The following PTPRM variants were observed in gnomAD, a reference collection of about 807,000 sequenced individuals.
The protein encoded by PTPRM is receptor-type tyrosine-protein phosphatase mu.
In PTPRM, 47 loss-of-function variants were observed where a neutral mutation model predicts 186.7. That is an observed-to-expected ratio of 0.25 (90% CI 0.20 to 0.32). The LOEUF is 0.32. PTPRM is among the 10% of genes least tolerant of loss of function. The probability of loss-of-function intolerance (pLI) is 1.00; values close to 1 mark genes in which losing one functional copy is unlikely to be tolerated. For synonymous variants in PTPRM, 668 were observed against 674.9 expected (o/e 0.99, Z 0.16); for missense variants, 1,494 against 1,865.0 (o/e 0.80, Z 3.66).
At chr18:7,872,896 G>A (rs991085371) in intron 2 of PTPRM, among the ~76,000 whole-genome samples, 1 of 152,142 alleles carries the variant, frequency 6.6e-6, no homozygotes, top group Non-Finnish European at 1.5e-5. Flanking sequence ...AGCCACATGA[G>A]TGTTATTATA....
chr18:8,263,617 G>A (rs887652177), intron 19 of PTPRM, among the ~76,000 whole-genome samples: 3 of 152,074 alleles, frequency 2.0e-5, no homozygotes, highest in African/African-American at 7.2e-5. Flanking sequence ...CCTCAGGATG[G>A]GGTGGGTCTC....
chr18:8,309,793 C>CA (rs2095254404), intron 20 of PTPRM, among the ~76,000 whole-genome samples: 1 of 152,194 alleles, frequency 6.6e-6, no homozygotes, highest in South Asian at 2.1e-4. Flanking sequence ...CTCGGCCTCC[C>CA]AAGTAGCTTG....
intron 1 of PTPRM, among the ~76,000 whole-genome samples, chr18:7,600,797 A>T (rs1160545240): frequency 6.6e-6 from 1 of 152,268 alleles, no homozygotes; most frequent in Non-Finnish European, 1.5e-5. Context: ...GCTGTGGCCC[A>T]AGAGGTGCCT....
chr18:7,890,675 C>G (rs2049026906), intron 3 of PTPRM, among the ~76,000 whole-genome samples: 1 of 151,914 alleles, frequency 6.6e-6, no homozygotes, highest in South Asian at 2.1e-4. Flanking sequence ...GGAATTTATC[C>G]TAAAGAAGTA....
intron 7 of PTPRM, 69 bp downstream of exon 7, chr18:7,955,483 G>T (rs2053247730): frequency 1.3e-6 from 2 of 1,529,644 alleles, no homozygotes; most frequent in East Asian, 4.5e-5. Flanking sequence ...CACTGGGGTT[G>T]ATCAGATGCC....
chr18:8,218,023 C>G (rs905153906), intron 14 of PTPRM, among the ~76,000 whole-genome samples: 1 of 152,118 alleles, frequency 6.6e-6, no homozygotes, highest in African/African-American at 2.4e-5. Context: ...CCAGCCCGTT[C>G]CCACATAGAG....
At chr18:7,892,742 C>G (rs1045996790) in intron 3 of PTPRM, among the ~76,000 whole-genome samples, 5 of 152,140 alleles carry the variant, frequency 3.3e-5, no homozygotes, top group Non-Finnish European at 2.9e-5. Context: ...TTTGAGAAGT[C>G]CAAGATCAGG....
chr18:8,206,901 G>A (rs1309490204), intron 14 of PTPRM, among the ~76,000 whole-genome samples: 5 of 152,072 alleles, frequency 3.3e-5, no homozygotes, highest in Non-Finnish European at 7.4e-5. Context: ...GAGACACGGG[G>A]AGAAGGCTGC....
At chr18:8,341,567 C>T (rs1362734205) in intron 22 of PTPRM, among the ~76,000 whole-genome samples, 1 of 152,148 alleles carries the variant, frequency 6.6e-6, no homozygotes, top group Admixed American at 6.5e-5. Context: ...GCTCTTCCTG[C>T]AGGCACAAGC....
At chr18:7,874,881 A>G (rs1599211742) in intron 2 of PTPRM, among the ~76,000 whole-genome samples, 1 of 152,322 alleles carries the variant, frequency 6.6e-6, no homozygotes, top group Admixed American at 6.5e-5. Context: ...ACAGAAAACC[A>G]AAAGCTTCCT....
chr18:7,573,122 T>C (rs1380685867), intron 1 of PTPRM, among the ~76,000 whole-genome samples: 1 of 152,086 alleles, frequency 6.6e-6, no homozygotes, highest in African/African-American at 2.4e-5. Flanking sequence ...TCTGGGAGTA[T>C]GTGAGAGAAA....
At chr18:8,106,480 T>C (rs1600602529) in intron 11 of PTPRM, among the ~76,000 whole-genome samples, 1 of 152,314 alleles carries the variant, frequency 6.6e-6, no homozygotes, top group East Asian at 1.9e-4. Flanking sequence ...AACGTAGAGA[T>C]TGACACATCC....
intron 23 of PTPRM, among the ~76,000 whole-genome samples, chr18:8,344,827 A>G (rs1474928260): frequency 1.3e-5 from 2 of 152,080 alleles, no homozygotes; most frequent in African/African-American, 4.8e-5. Flanking sequence ...GTACAATGCT[A>G]AGAATTTAGA....
intron 3 of PTPRM, among the ~76,000 whole-genome samples, chr18:7,901,195 G>GA (rs1037828219): frequency 6.6e-6 from 1 of 152,060 alleles, no homozygotes; most frequent in Admixed American, 6.5e-5. Flanking sequence ...GACAAAAAGA[G>GA]AAAAAAGATT....
intron 11 of PTPRM, among the ~76,000 whole-genome samples, chr18:8,103,835 C>T (rs1362078138): frequency 6.6e-6 from 1 of 152,148 alleles, no homozygotes; most frequent in Non-Finnish European, 1.5e-5. Context: ...GCCTTCCTCA[C>T]TGTGCTTAAT....
intron 7 of PTPRM, among the ~76,000 whole-genome samples, chr18:8,006,964 C>T (rs1218058576): frequency 6.6e-6 from 1 of 152,202 alleles, no homozygotes; most frequent in Non-Finnish European, 1.5e-5. Context: ...AGTTTAATTT[C>T]CATTTCACTT....
chr18:7,629,898 A>G (rs1018122891), intron 1 of PTPRM, among the ~76,000 whole-genome samples: 5 of 152,260 alleles, frequency 3.3e-5, no homozygotes, highest in African/African-American at 1.2e-4. Flanking sequence ...ACTGGTTAAT[A>G]GACTATTGAA....
At chr18:8,235,457 T>A (rs2094334040) in intron 14 of PTPRM, among the ~76,000 whole-genome samples, 3 of 30,738 alleles carry the variant, frequency 9.8e-5, no homozygotes, top group African/African-American at 7.3e-4. Flanking sequence ...CTGTGTCTTC[T>A]TTTTTTTTTT....
At chr18:7,661,074 A>C (rs1283684333) in intron 1 of PTPRM, among the ~76,000 whole-genome samples, 1 of 152,246 alleles carries the variant, frequency 6.6e-6, no homozygotes, top group African/African-American at 2.4e-5. Context: ...CTACAGCAGA[A>C]ATATGTTTTG....
Sources: gnomAD v4.1 joint callset for allele counts (sites outside exome capture counted in the v4.1 genomes callset) on GRCh38, gnomAD v4.1.1 for gene constraint, MANE v1.5 for transcripts, NCBI Gene and HGNC (gene_info 2026-07-23, HGNC 2026-07-21) for gene names.